Variants in CDHR2 observed in about 807,000 individuals in gnomAD.
The protein encoded by CDHR2 is cadherin related family member 2.
In CDHR2, 104 loss-of-function variants were observed where a neutral mutation model predicts 138.6. That is an observed-to-expected ratio of 0.75 (90% confidence interval 0.64 to 0.88). The LOEUF is 0.88. Ranked by LOEUF, CDHR2 falls within the 40% of genes least tolerant of loss-of-function variation. The pLI, the probability that CDHR2 is intolerant of heterozygous loss-of-function variation, is 0.00. For missense variants in CDHR2, 1,624 were observed against 1,727.6 expected (o/e 0.94, Z 1.06); for synonymous variants, 755 against 742.8 (o/e 1.02, Z -0.27).
intron 21 of CDHR2, among the ~76,000 whole-genome samples, chr5:176,588,538 T>A (rs998166976): frequency 6.7e-6 from 1 of 148,816 alleles, no homozygotes; most frequent in Non-Finnish European, 1.5e-5. Flanking sequence ...TGTGTTAGGG[T>A]GAGTGAGTGT....
At chr5:176,564,435 G>C (rs574292277) in intron 1 of CDHR2, among the ~76,000 whole-genome samples, 2 of 152,196 alleles carry the variant, frequency 1.3e-5, no homozygotes, top group Non-Finnish European at 2.9e-5. Context: ...TGATCCGCCC[G>C]CCTCGGCCTC....
Position 176,585,844 on chromosome 5 carries a change from G to A in CDHR2, c.2735-110G>A, listed in dbSNP as rs148746987. On this transcript the variant is annotated intron_variant, in intron 19 of 31. Coordinates refer to ENST00000261944, the MANE Select transcript of CDHR2 (RefSeq NM_017675.6). ...ACAGGGTTGAGGCTGCGGGGCACGG[G>A]GTTGAGGCTGCGGGGCATGGGGTTG... The A allele has an allele frequency of 4.8e-3, 4,001 of 831,128 alleles. 13 individuals carry two copies. Among genetic ancestry groups the A allele is most frequent in the Admixed American group, 6.0e-3 (320 of 53,552 alleles). 51.5% of individuals were successfully genotyped at this position (831,128 alleles called of 1,614,324 possible).
chr5:176,566,529 G>A (rs942633875), intron 3 of CDHR2, among the ~76,000 whole-genome samples: 2 of 152,176 alleles, frequency 1.3e-5, no homozygotes, highest in Admixed American at 6.5e-5. Flanking sequence ...ACCGCCCCTC[G>A]TGGCCGCCCA....
Position 176,585,944 on chromosome 5 carries a change from T to C in CDHR2, c.2735-10T>C, listed in dbSNP as rs2113319585. ...GCCCAGAGCCAAAGCCAGCTGACCT[T>C]GTCTCCTAGGAAGCCTCCTCATTAC... On this transcript the variant is annotated splice_polypyrimidine_tract_variant and intron_variant, in intron 19 of 31. Coordinates refer to ENST00000261944, the MANE Select transcript of CDHR2 (RefSeq NM_017675.6). 6 of 1,611,470 alleles carry C rather than the reference T, an allele frequency of 3.7e-6. No homozygotes were observed. The highest frequency in any genetic ancestry group is 4.5e-5 in the East Asian group (2 of 44,874).
intron 17 of CDHR2, among the ~76,000 whole-genome samples, chr5:176,583,196 A>G (rs1758568426): frequency 6.6e-6 from 1 of 152,194 alleles, no homozygotes; most frequent in Admixed American, 6.5e-5. Context: ...TTGCCCTATT[A>G]GTGGGGACTA....
In CDHR2 at chr5:176,566,539, AGGAGCCCGGAC is replaced by A. The variant is rs533922478; in HGVS notation, c.124+802_124+812del. 4.7e-4 allele frequency among the ~76,000 whole-genome samples: 71 copies of A among 152,340 alleles called. No individual in the cohort carries two copies. The East Asian group carries it at 0.013, about 29-fold the overall frequency. ...GAATTACCGCCCCTCGTGGCCGCCC[AGGAGCCCGGAC>A]GGAGCTGTGGGGGCATGTCCCATCA... On this transcript the variant is annotated intron_variant, in intron 3 of 31. Coordinates refer to ENST00000261944, the MANE Select transcript of CDHR2 (RefSeq NM_017675.6).
chr5:176,565,392 C>T lies in CDHR2; in HGVS notation c.40C>T (p.Leu14Phe), dbSNP rs774606495. 9.9e-6 allele frequency: 16 copies of T among 1,614,074 alleles called. No individual in the cohort carries two copies. Among genetic ancestry groups the T allele is most frequent in the Non-Finnish European group, 8.5e-6 (10 of 1,179,944 alleles). ...LWLSCFLLPA[L>F]VVSVAANVAP... ...GCTGTCCTGCTTCCTCCTTCCTGCC[C>T]TCGTGGTGTCTGGTAGGTGTCTCCC... Residue 14 changes from leucine to phenylalanine, a missense_variant, in exon 2 of 32, where the codon CTC becomes TTC. By Grantham distance (22) the Leu-to-Phe change is conservative. Around this residue, in one of 3 missense-constraint regions of CDHR2, gnomAD observed 1,061 missense variants for 1,136.6 expected, o/e 0.93. Transcript: ENST00000261944.
chr5:176,590,172 G>A, intron 25 of CDHR2, 26 bp downstream of exon 25: 1 of 1,612,224 alleles, frequency 6.2e-7, no homozygotes, highest in Non-Finnish European at 8.5e-7. Context: ...CCTGGGGGTG[G>A]GGTTGAGGGG....
chr5:176,564,116 CA>C (rs1758028892), intron 1 of CDHR2, among the ~76,000 whole-genome samples: 2 of 152,156 alleles, frequency 1.3e-5, no homozygotes, highest in Admixed American at 6.5e-5. Flanking sequence ...AGACAGACAG[CA>C]AGAAACAAAA....
chr5:176,591,537 G>C, intron 30 of CDHR2, 53 bp downstream of exon 30: 7 of 1,318,130 alleles, frequency 5.3e-6, no homozygotes, highest in Middle Eastern at 1.8e-4. Context: ...TACAGGTAGT[G>C]ACGGTGGTGG....
chr5:176,549,017 C>G (rs773015405), upstream of CDHR2, among the ~76,000 whole-genome samples: 1 of 152,192 alleles, frequency 6.6e-6, no homozygotes, highest in African/African-American at 2.4e-5. Context: ...ACTGAAGACT[C>G]GTAGCAGGGA....
chr5:176,570,761 G>T (rs1758206472), intron 5 of CDHR2, among the ~76,000 whole-genome samples: 1 of 152,128 alleles, frequency 6.6e-6, no homozygotes, highest in South Asian at 2.1e-4. Flanking sequence ...AGAGCAGCCT[G>T]ACCAACATGG....
upstream of CDHR2, among the ~76,000 whole-genome samples, chr5:176,545,966 G>C (rs1757576939): frequency 6.6e-6 from 1 of 152,232 alleles, no homozygotes; most frequent in Non-Finnish European, 1.5e-5. Context: ...CTGTCAACCA[G>C]AGCAGTGACT....
chr5:176,547,318 A>G (rs2963689), upstream of CDHR2: 143,768 of 152,212 alleles, frequency 0.94, 68,428 homozygotes, highest in East Asian at 1. Flanking sequence ...ATGGATCTCA[A>G]TTCCCTTTTT....
chr5:176,586,818 C>CGGT lies in CDHR2; in HGVS notation c.2832_2833insGGT (p.Pro944_Asn945insGly). 6.2e-7 allele frequency: 1 copy of CGGT among 1,610,118 alleles called. No homozygotes were observed. The highest frequency in any genetic ancestry group is 8.5e-7 in the Non-Finnish European group (1 of 1,178,262). On this transcript the variant is annotated inframe_insertion, in exon 21 of 32. Transcript: ENST00000261944. ...TGATCATCCCTGAACTCGTGCTGCC[C>CGGT]AACCGGGAGGTGGCTTCTGTCCGGG...
chr5:176,575,637 G>C (rs369712069), intron 10 of CDHR2, 56 bp downstream of exon 10: 2 of 1,604,138 alleles, frequency 1.2e-6, no homozygotes, highest in Non-Finnish European at 1.7e-6. Context: ...TGGGGTCTCC[G>C]TCAGAGTCCC....
Position 176,577,432 on chromosome 5 carries a change from G to A in CDHR2, c.1228G>A (p.Gly410Ser). ...TGGCACCTTCCTGTTGTCGCTGGGG[G>A]GCCCCGATGCAGAAGCCTTCAGCGT... ...SNGTFLLSLG[G>S]PDAEAFSVSP... is the part of the protein sequence containing the mutation. The change falls in exon 13 of 32, where the codon GGC becomes AGC. Residue 410 changes from glycine (G) to serine (S), a missense_variant. This residue lies in a region of CDHR2 where 1,061 missense variants were observed against 1,136.6 expected (regional missense o/e 0.93). Transcript: ENST00000261944. The A allele has an allele frequency of 1.2e-6, 2 of 1,609,942 alleles. No homozygotes were observed. Among genetic ancestry groups the A allele is most frequent in the Non-Finnish European group, 1.7e-6 (2 of 1,178,710 alleles).
chr5:176,588,752 G>A (rs1758756525), intron 21 of CDHR2, among the ~76,000 whole-genome samples: 1 of 151,986 alleles, frequency 6.6e-6, no homozygotes, highest in South Asian at 2.1e-4. Flanking sequence ...TGGCAGTGGA[G>A]GGGTGTAGGG....
At chr5:176,585,394 T>G (rs977919056) in intron 19 of CDHR2, among the ~76,000 whole-genome samples, 1 of 152,212 alleles carries the variant, frequency 6.6e-6, no homozygotes, top group African/African-American at 2.4e-5. Context: ...CATTAACAAC[T>G]AGCATATATT....
Sources: allele counts gnomAD v4.1 joint callset (sites outside exome capture counted in the v4.1 genomes callset), GRCh38; gene constraint gnomAD v4.1.1; regional missense constraint gnomAD v4.1.1; transcripts MANE v1.5; gene names NCBI Gene and HGNC (gene_info 2026-07-23, HGNC 2026-07-21).